Variants in SLC4A2 observed in about 807,000 individuals in gnomAD.
SLC4A2 encodes the protein solute carrier family 4 member 2.
In SLC4A2, 36 loss-of-function variants were observed where a neutral mutation model predicts 115.0. That is an observed-to-expected ratio of 0.31 (90% CI 0.24 to 0.41). The LOEUF (loss-of-function observed/expected upper bound fraction) is 0.41. Among genes scored for constraint, SLC4A2 ranks in the 10% least tolerant of loss-of-function variants. The pLI is 1.00. For missense variants in SLC4A2, 1,252 were observed against 1,705.6 expected (o/e 0.73, Z 4.68); for synonymous variants, 708 against 708.3 (o/e 1.00, Z 0.01).
Position 151,071,194 on chromosome 7 carries a change from C to T in SLC4A2, c.1872C>T (p.Arg624=), listed in dbSNP as rs1243947667. The change falls in exon 13 of 23, where the codon CGC becomes CGT. Residue 624 remains arginine (R), a synonymous_variant. Coordinates refer to ENST00000413384, the MANE Select transcript of SLC4A2 (RefSeq NM_003040.4). The surrounding 1 kb of genome is among the most constrained non-coding windows in gnomAD (Gnocchi z 5.5). ...PSEVQGEELL[R]SVAHFQRQML... The stretch of plus-strand genomic sequence containing the variant: ...AAGTGCAGGGCGAGGAGCTGCTGCG[C>T]TCTGTGGCCCACTTCCAGCGCCAGA... The T allele has an allele frequency of 3.1e-6, 5 of 1,606,932 alleles. No individual in the cohort carries two copies. The highest frequency in any genetic ancestry group is 4.2e-6 in the Non-Finnish European group (5 of 1,177,214).
chr7:151,061,879 G>A, intron 1 of SLC4A2, 46 bp from the exon 2 acceptor site: 2 of 1,040,292 alleles, frequency 1.9e-6, no homozygotes, highest in Non-Finnish European at 2.9e-6. Context: ...GGTGGCTCCT[G>A]CCCTCCCAGG....
Position 151,070,332 on chromosome 7 carries a change from G to C in SLC4A2, c.1435G>C (p.Glu479Gln). The C allele has an allele frequency of 1.9e-6, 3 of 1,611,374 alleles. No individual in the cohort carries two copies. The highest frequency in any genetic ancestry group is 2.5e-6 in the Non-Finnish European group (3 of 1,178,376). ...GGGAGGTGTTCCTGAGACCCGGCTG[G>C]AGGTGGAGCGAGAGGTGAGGGGAGA... ...LMGGVPETRL[E>Q]VERERELPPP... The change falls in exon 10 of 23, where the codon GAG becomes CAG. Residue 479 changes from glutamate to glutamine, a missense_variant. Coordinates refer to ENST00000413384, the MANE Select transcript of SLC4A2 (RefSeq NM_003040.4).
chr7:151,061,931 C>T lies in SLC4A2; in HGVS notation c.-57C>T. The T allele has an allele frequency of 3.2e-6, 5 of 1,539,684 alleles. No homozygotes were observed. Among genetic ancestry groups the T allele is most frequent in the East Asian group, 2.3e-5 (1 of 43,690 alleles). On this transcript the variant is annotated 5_prime_UTR_variant, in exon 2 of 23. Coordinates refer to ENST00000413384, the MANE Select transcript of SLC4A2 (RefSeq NM_003040.4). ...AGGCCTCTCCCCCATCCAGGTTATG[C>T]CTCCGCCTCGTTGCCCTGAAAGCCG...
In SLC4A2 at chr7:151,060,874, C is replaced by T. The variant is rs1797021914; in HGVS notation, c.-63-1051C>T. On this transcript the variant is annotated intron_variant, in intron 1 of 22. Transcript: ENST00000413384. The surrounding 1 kb of genome is among the most constrained non-coding windows in gnomAD (Gnocchi z 5.9). ...TTTGACGCTACACTGACTTGTCTTACTCCTAAGTCAGGCACCCCCAGTCCC... is the reference window on the plus strand; with the variant it reads ...TTTGACGCTACACTGACTTGTCTTATTCCTAAGTCAGGCACCCCCAGTCCC... Among the ~76,000 whole-genome samples the T allele has an allele frequency of 6.6e-6, 1 of 152,198 alleles. No individual in the cohort carries two copies. Among genetic ancestry groups the T allele is most frequent in the Non-Finnish European group, 1.5e-5 (1 of 68,028 alleles).
intron 3 of SLC4A2, 38 bp downstream of exon 3, chr7:151,064,405 CA>C: frequency 6.6e-7 from 1 of 1,524,282 alleles, no homozygotes; most frequent in Non-Finnish European, 8.9e-7. Context: ...GTGGGGGGAT[CA>C]GGTTTGACTG....
rs761777431 is a variant in SLC4A2, at chr7:151,074,119, C to T, written c.2616C>T (p.Ala872=). The change falls in exon 17 of 23, where the codon GCC becomes GCT. Residue 872 remains alanine (A), a synonymous_variant. Transcript: ENST00000413384. ...EVDGGENMTW[A]GARPTLGPGN... is the part of the protein sequence containing the mutation. ...ACGGCGGTGAGAACATGACATGGGCCGGGGCAAGACCCACGCTGGGGCCGG... is the reference window on the plus strand; with the variant it reads ...ACGGCGGTGAGAACATGACATGGGCTGGGGCAAGACCCACGCTGGGGCCGG... 5.0e-5 allele frequency: 80 copies of T among 1,611,886 alleles called. No individual in the cohort carries two copies. Among genetic ancestry groups the T allele is most frequent in the Non-Finnish European group, 6.4e-5 (76 of 1,179,604 alleles).
chr7:151,069,379 C>T (rs1797351101), intron 8 of SLC4A2, among the ~76,000 whole-genome samples: 2 of 152,064 alleles, frequency 1.3e-5, no homozygotes, highest in African/African-American at 4.8e-5. Flanking sequence ...GACCTGGTAA[C>T]TTTTGAAGGG....
At chr7:151,069,123 A>C (rs1391035423) in intron 8 of SLC4A2, among the ~76,000 whole-genome samples, 3 of 136,580 alleles carry the variant, frequency 2.2e-5, no homozygotes, top group Non-Finnish European at 1.5e-5. Context: ...TGAACGACAG[A>C]GCGAGACTCT....
Position 151,076,151 on chromosome 7 carries a change from CTCACCCGTATCT to C in SLC4A2, c.3616_3627del (p.Arg1206_Thr1209del). ...CACAGTGCCGCTCCGCATGGTGGTG[CTCACCCGTATCT>C]TCACCGACCGAGAGATGAAATGTGT... On this transcript the variant is annotated inframe_deletion, in exon 22 of 23. Coordinates refer to ENST00000413384, the MANE Select transcript of SLC4A2 (RefSeq NM_003040.4). 6.2e-7 allele frequency: 1 copy of C among 1,610,682 alleles called. No individual in the cohort carries two copies. The highest frequency in any genetic ancestry group is 8.5e-7 in the Non-Finnish European group (1 of 1,179,972).
chr7:151,064,993 C>T (rs749082096), intron 5 of SLC4A2, 27 bp downstream of exon 5: 26 of 1,383,588 alleles, frequency 1.9e-5, no homozygotes, highest in Non-Finnish European at 2.7e-5. Flanking sequence ...CAACAGTGTC[C>T]CCAACAGACA....
rs1249916972 is a variant in SLC4A2 at position 151,070,181 on chromosome 7, C to T, written c.1284C>T (p.Ser428=). ...NVLRALLLKH[S]HPSDEKDFSF... is the part of the protein sequence containing the mutation. ...GCCTCACTGCCCTCTGCCCCACCAG[C>T]CACCCAAGTGATGAGAAGGACTTCT... Residue 428 remains serine, a splice_region_variant and synonymous_variant, in exon 10 of 23, where the codon AGC becomes AGT. Transcript: ENST00000413384. The T allele has an allele frequency of 6.2e-7, 1 of 1,614,156 alleles. No homozygotes were observed. Among genetic ancestry groups the T allele is most frequent in the Admixed American group, 1.7e-5 (1 of 60,030 alleles).
chr7:151,070,327 G>A lies in SLC4A2; in HGVS notation c.1430G>A (p.Arg477Gln), dbSNP rs151050019. The stretch of plus-strand genomic sequence containing the variant: ...CTCATGGGAGGTGTTCCTGAGACCC[G>A]GCTGGAGGTGGAGCGAGAGGTGAGG... ...EPLMGGVPET[R>Q]LEVERERELP... The change falls in exon 10 of 23, where the codon CGG becomes CAG. Residue 477 changes from arginine (R) to glutamine (Q), a missense_variant. Physicochemically the swap from Arg to Gln is conservative, Grantham distance 43. Around this residue, in one of 14 missense-constraint regions of SLC4A2, gnomAD observed 142 missense variants for 153.5 expected, o/e 0.93. Coordinates refer to ENST00000413384, the MANE Select transcript of SLC4A2 (RefSeq NM_003040.4). 52 of 1,611,488 alleles carry A rather than the reference G, an allele frequency of 3.2e-5. No homozygotes were observed. Among genetic ancestry groups the A allele is most frequent in the South Asian group, 4.4e-5 (4 of 90,858 alleles).
At position 151,064,862 on chromosome 7, in the gene SLC4A2, G is replaced by A. The variant is rs1396819733; in HGVS notation, c.474G>A (p.Glu158=). ...CCCTGTTACAGTTCTTTCTCCAAGA[G>A]GATGACAGTGCTGACCGGAAGGCAG... ...TPSSVQFFLQ[E]DDSADRKAER... is the part of the protein sequence containing the mutation. The change falls in exon 5 of 23, where the codon GAG becomes GAA. Residue 158 remains glutamate, a synonymous_variant. Coordinates refer to ENST00000413384, the MANE Select transcript of SLC4A2 (RefSeq NM_003040.4). 4.3e-6 allele frequency: 7 copies of A among 1,613,856 alleles called. No homozygotes were observed. Among genetic ancestry groups the A allele is most frequent in the African/African-American group, 1.3e-5 (1 of 74,924 alleles).
At chr7:151,062,807 A>C in intron 2 of SLC4A2, 1 of 1,366,206 alleles carries the variant, frequency 7.3e-7, no homozygotes. Flanking sequence ...CCTTCCTCAC[A>C]GAGGGGAGAA....
intron 8 of SLC4A2, 36 bp downstream of exon 8, chr7:151,068,090 T>G (rs1226076657): frequency 3.6e-6 from 5 of 1,402,436 alleles, no homozygotes; most frequent in Non-Finnish European, 4.6e-6. Context: ...GCCTGGCCAG[T>G]CCCCAGGAAA....
intron 19 of SLC4A2, chr7:151,075,045 C>T (rs1797571764): frequency 1.1e-6 from 1 of 886,026 alleles, no homozygotes; most frequent in African/African-American, 1.7e-5. Context: ...GGGCAGGCCA[C>T]CCTGGCAGTG....
At chr7:151,062,450 CG>C in intron 2 of SLC4A2, 1 of 1,149,508 alleles carries the variant, frequency 8.7e-7, no homozygotes. Context: ...CACCCAGGCC[CG>C]CCCCTCCCTG....
rs1269155818 is a variant in SLC4A2, at chr7:151,064,224, C to G, written c.74C>G (p.Pro25Arg). Residue 25 changes from proline (P) to arginine (R), a missense_variant, in exon 3 of 23, where the codon CCT becomes CGT. By Grantham distance (103) the Pro-to-Arg change is moderately radical. Transcript: ENST00000413384. ...CAGCCAGAGCCAGAGAGCTTGGGCC[C>G]TGGGACGCCTGGGTTCCCCGAGCAG... ...FCTPEPESLG[P>R]GTPGFPEQEE... 6.2e-7 allele frequency: 1 copy of G among 1,612,448 alleles called. No homozygotes were observed. Among genetic ancestry groups the G allele is most frequent in the Admixed American group, 1.7e-5 (1 of 60,006 alleles).
upstream of SLC4A2, chr7:151,059,488 C>G (rs1447502166): frequency 2.0e-5 from 3 of 151,786 alleles, no homozygotes; most frequent in African/African-American, 7.2e-5. The surrounding 1 kb of genome is among the most constrained non-coding windows in gnomAD (Gnocchi z 5.8). Context: ...GGGGGCGGCC[C>G]CTGGTGCCGG....
Sources: gnomAD v4.1 joint callset for allele counts (sites outside exome capture counted in the v4.1 genomes callset) on GRCh38, gnomAD v4.1.1 for gene constraint, gnomAD v4.1.1 regional missense constraint, Gnocchi (gnomAD v3.1) non-coding constraint, MANE v1.5 for transcripts, NCBI Gene and HGNC (gene_info 2026-07-23, HGNC 2026-07-21) for gene names.